RAPGEF1: variants seen among roughly 807,000 people sequenced by gnomAD.
RAPGEF1 encodes the protein Rap guanine nucleotide exchange factor 1.
RAPGEF1 carries 33 observed loss-of-function variants against 143.3 expected under a neutral mutation model. That is an observed-to-expected ratio of 0.23 (90% CI 0.17 to 0.31). RAPGEF1 has a LOEUF of 0.31. Ranked by LOEUF, RAPGEF1 falls within the 10% of genes least tolerant of loss-of-function variation. RAPGEF1 has a pLI of 1.00. For synonymous variants in RAPGEF1, 629 were observed against 676.5 expected, an observed-to-expected ratio of 0.93 and a Z score of 1.09; for missense variants, 1,199 against 1,645.4, an observed-to-expected ratio of 0.73 and a Z score of 4.69.
intron 1 of RAPGEF1, among the ~76,000 whole-genome samples, chr9:131,668,216 C>G (rs532985360): frequency 1.3e-5 from 2 of 152,168 alleles, no homozygotes; most frequent in African/African-American, 2.4e-5. Context: ...TTATAAACCA[C>G]AGATGCTGCT....
At chr9:131,700,547 G>A (rs1286931789) in intron 1 of RAPGEF1, among the ~76,000 whole-genome samples, 2 of 152,156 alleles carry the variant, frequency 1.3e-5, no homozygotes, top group Non-Finnish European at 2.9e-5. Context: ...GGAGACACAG[G>A]ACCTGTTCAA....
At chr9:131,677,255 C>T (rs1832488175) in intron 1 of RAPGEF1, among the ~76,000 whole-genome samples, 1 of 152,208 alleles carries the variant, frequency 6.6e-6, no homozygotes, top group Admixed American at 6.5e-5. Flanking sequence ...AGCAACTTGC[C>T]TCTTTAGCCA....
intron 1 of RAPGEF1, among the ~76,000 whole-genome samples, chr9:131,682,317 C>T (rs575425720): frequency 5.3e-5 from 8 of 152,314 alleles, no homozygotes; most frequent in South Asian, 4.1e-4. Flanking sequence ...TTTCGGGAAA[C>T]GCCATGAGGG....
intron 1 of RAPGEF1, among the ~76,000 whole-genome samples, chr9:131,700,913 T>G (rs1334063863): frequency 6.6e-6 from 1 of 152,204 alleles, no homozygotes; most frequent in Admixed American, 6.5e-5. Flanking sequence ...TTTATGGGTA[T>G]CTACATAATA....
At chr9:131,588,049 G>A in intron 20 of RAPGEF1, 23 bp from the exon 21 acceptor site, 1 of 1,598,930 alleles carries the variant, frequency 6.3e-7, no homozygotes, top group Non-Finnish European at 8.5e-7. Context: ...GGTGTGAGAA[G>A]AGCCGTCAGG....
chr9:131,628,446 C>T lies in RAPGEF1; in HGVS notation c.1017+103G>A. ...CTCGCACTCCTCGATGTGACAAACA[C>T]CAGCGCCTGAAGACCATGGGTTTCT... On this transcript the variant is annotated intron_variant, in intron 8 of 26. Coordinates refer to ENST00000683357, the MANE Select transcript of RAPGEF1 (RefSeq NM_001377935.1). This position sits in a 1 kb window ranked among gnomAD's most constrained non-coding sequence, Gnocchi z 5.7. 5.5e-6 allele frequency: 8 copies of T among 1,460,422 alleles called. No homozygotes were observed. Among genetic ancestry groups the T allele is most frequent in the Non-Finnish European group, 7.4e-6 (8 of 1,078,204 alleles). The allele number at this position is 1,460,422 out of a possible 1,614,324, so 90.5% of individuals were successfully genotyped here. A position where few individuals can be genotyped will look rare whatever the true frequency, so the allele number is the denominator to read the frequency against.
intron 1 of RAPGEF1, among the ~76,000 whole-genome samples, chr9:131,715,964 A>T (rs1835835855): frequency 6.6e-6 from 1 of 151,998 alleles, no homozygotes; most frequent in Non-Finnish European, 1.5e-5. Flanking sequence ...GACCTTTCAC[A>T]GGAGGCTAGA....
At chr9:131,702,954 C>T (rs1488076300) in intron 1 of RAPGEF1, among the ~76,000 whole-genome samples, 1 of 152,164 alleles carries the variant, frequency 6.6e-6, no homozygotes, top group Non-Finnish European at 1.5e-5. Flanking sequence ...AAATATGCAT[C>T]GTGCAGCCGC....
chr9:131,684,250 A>C (rs1170342472), intron 1 of RAPGEF1, among the ~76,000 whole-genome samples: 1 of 152,188 alleles, frequency 6.6e-6, no homozygotes, highest in East Asian at 1.9e-4. Flanking sequence ...GCTTATGTAC[A>C]TGTATGTGTG....
At chr9:131,597,656 C>A (rs1482312530) in intron 16 of RAPGEF1, among the ~76,000 whole-genome samples, 1 of 152,184 alleles carries the variant, frequency 6.6e-6, no homozygotes, top group Non-Finnish European at 1.5e-5. Context: ...GGCCCTTTTT[C>A]ACCAACGAGG....
intron 1 of RAPGEF1, among the ~76,000 whole-genome samples, chr9:131,685,317 C>G (rs1260924200): frequency 6.6e-6 from 1 of 152,210 alleles, no homozygotes; most frequent in Non-Finnish European, 1.5e-5. Flanking sequence ...GAGCAGGCCC[C>G]CCAAAATCTG....
chr9:131,683,979 G>A (rs1357464168), intron 1 of RAPGEF1, among the ~76,000 whole-genome samples: 3 of 152,218 alleles, frequency 2.0e-5, no homozygotes, highest in Non-Finnish European at 2.9e-5. Flanking sequence ...TTTGACTGAA[G>A]GGAATCAAAT....
At chr9:131,588,321 A>C (rs1953548748) in intron 20 of RAPGEF1, among the ~76,000 whole-genome samples, 1 of 152,238 alleles carries the variant, frequency 6.6e-6, no homozygotes, top group South Asian at 2.1e-4. Context: ...GATGCCAAGA[A>C]GGCTCGCTCA....
intron 15 of RAPGEF1, among the ~76,000 whole-genome samples, chr9:131,600,338 C>G (rs1180742281): frequency 6.6e-6 from 1 of 152,154 alleles, no homozygotes; most frequent in East Asian, 1.9e-4. Context: ...ACTTTGGGGT[C>G]CAGTGAAGCT....
intron 1 of RAPGEF1, among the ~76,000 whole-genome samples, chr9:131,687,019 G>A (rs1351204744): frequency 6.6e-6 from 1 of 152,150 alleles, no homozygotes; most frequent in Non-Finnish European, 1.5e-5. Flanking sequence ...ATTACCAATA[G>A]GATCCGTTAT....
At chr9:131,640,130 C>A (rs533755374) in intron 4 of RAPGEF1, among the ~76,000 whole-genome samples, 1 of 152,164 alleles carries the variant, frequency 6.6e-6, no homozygotes, top group East Asian at 1.9e-4. Flanking sequence ...GGAAAGAGGA[C>A]GGAGAGGGGA....
Position 131,584,109 on chromosome 9 carries a change from T to A in RAPGEF1, c.3414+202A>T, listed in dbSNP as rs563460792. 6.6e-6 allele frequency among the ~76,000 whole-genome samples: 1 copy of A among 152,066 alleles called. No homozygotes were observed. The highest frequency in any genetic ancestry group is 6.5e-5 in the Admixed American group (1 of 15,290). ...ACCACCCCAGAACCAACCTCGAAGC[T>A]CCCGGGGGCCTGAAGATTGGGGATC... On this transcript the variant is annotated intron_variant, in intron 24 of 26. Transcript: ENST00000683357. The surrounding 1 kb of genome is among the most constrained non-coding windows in gnomAD (Gnocchi z 6.8).
chr9:131,599,424 T>C (rs78593799), intron 15 of RAPGEF1, among the ~76,000 whole-genome samples: 1 of 150,494 alleles, frequency 6.6e-6, no homozygotes, highest in Non-Finnish European at 1.5e-5. Flanking sequence ...CCCAGTCTTT[T>C]TTTTTTTTTT....
chr9:131,652,924 A>G (rs753729786), intron 1 of RAPGEF1, among the ~76,000 whole-genome samples: 4 of 152,214 alleles, frequency 2.6e-5, no homozygotes, highest in Non-Finnish European at 4.4e-5. Flanking sequence ...TGAGTAATGC[A>G]TTGCGCTGGA....
Sources: gnomAD v4.1 joint callset for allele counts (sites outside exome capture counted in the v4.1 genomes callset) on GRCh38, gnomAD v4.1.1 for gene constraint, Gnocchi (gnomAD v3.1) non-coding constraint, MANE v1.5 for transcripts, NCBI Gene and HGNC (gene_info 2026-07-23, HGNC 2026-07-21) for gene names.